GPR158: variants seen among roughly 807,000 people sequenced by gnomAD.
The protein encoded by GPR158 is metabotropic glycine receptor.
GPR158 carries 30 observed loss-of-function variants against 78.2 expected under a neutral mutation model. The observed-to-expected ratio is 0.38, with a 90% CI of 0.29 to 0.52. GPR158 has a LOEUF of 0.52. Among genes scored for constraint, GPR158 ranks in the 20% least tolerant of loss-of-function variants. The probability of loss-of-function intolerance (pLI) is 0.83; values close to 1 mark genes in which losing one functional copy is unlikely to be tolerated. For synonymous variants in GPR158, 581 were observed against 591.1 expected, an observed-to-expected ratio of 0.98 and a Z score of 0.25; for missense variants, 1,463 against 1,523.5, an observed-to-expected ratio of 0.96 and a Z score of 0.66.
intron 2 of GPR158, among the ~76,000 whole-genome samples, chr10:25,243,580 C>A (rs1174026266): frequency 6.6e-6 from 1 of 152,164 alleles, no homozygotes; most frequent in Non-Finnish European, 1.5e-5. Flanking sequence ...ATCACCTTCC[C>A]TGGAAAGACA....
intron 4 of GPR158, among the ~76,000 whole-genome samples, chr10:25,417,408 T>C (rs1214368427): frequency 1.3e-5 from 2 of 152,150 alleles, no homozygotes; most frequent in Non-Finnish European, 2.9e-5. Context: ...TACATGACTG[T>C]GGTAGACACA....
intron 2 of GPR158, among the ~76,000 whole-genome samples, chr10:25,248,437 TA>T (rs1226778741): frequency 1.3e-5 from 2 of 152,206 alleles, no homozygotes; most frequent in Non-Finnish European, 2.9e-5. Context: ...CTAGGGTTTT[TA>T]TGGTTTTAGG....
chr10:25,387,615 A>G (rs1361534087), intron 2 of GPR158, among the ~76,000 whole-genome samples: 1 of 151,314 alleles, frequency 6.6e-6, no homozygotes, highest in African/African-American at 2.4e-5. Context: ...TCCTGGGTTC[A>G]AGTGATTCTT....
At chr10:25,551,694 C>G (rs1200673092) in intron 6 of GPR158, among the ~76,000 whole-genome samples, 2 of 152,122 alleles carry the variant, frequency 1.3e-5, no homozygotes, top group Non-Finnish European at 2.9e-5. Context: ...TACCTATCTA[C>G]AAAGGCTAGG....
chr10:25,347,655 G>C (rs1380948117), intron 2 of GPR158, among the ~76,000 whole-genome samples: 1 of 151,956 alleles, frequency 6.6e-6, no homozygotes, highest in Admixed American at 6.6e-5. Context: ...TCTTTGTAGG[G>C]TATATAGATA....
At chr10:25,343,670 A>G (rs191745119) in intron 2 of GPR158, among the ~76,000 whole-genome samples, 1 of 152,140 alleles carries the variant, frequency 6.6e-6, no homozygotes, top group Admixed American at 6.6e-5. Flanking sequence ...AATGTTTTCA[A>G]TTAATACATC....
chr10:25,598,960 G>A lies in GPR158; in HGVS notation c.3334G>A (p.Val1112Met), dbSNP rs779453764. 6.2e-7 allele frequency: 1 copy of A among 1,613,932 alleles called. No individual in the cohort carries two copies. The highest frequency in any genetic ancestry group is 8.5e-7 in the Non-Finnish European group (1 of 1,179,950). ...CGGAGGTCAGCCTCGTGCAGCCAATGTGTGTGCTGGGCAGAGCGAAGAACT... is the reference window on the plus strand; with the variant it reads ...CGGAGGTCAGCCTCGTGCAGCCAATATGTGTGCTGGGCAGAGCGAAGAACT... ...ENGGQPRAAN[V>M]CAGQSEELPP... is the part of the protein sequence containing the mutation. Residue 1112 changes from valine to methionine, a missense_variant, in exon 11 of 11, where the codon GTG becomes ATG. Transcript: ENST00000376351.
At chr10:25,470,382 T>C (rs1286974336) in intron 5 of GPR158, among the ~76,000 whole-genome samples, 1 of 151,948 alleles carries the variant, frequency 6.6e-6, no homozygotes, top group Non-Finnish European at 1.5e-5. Context: ...AGTTTGGCCC[T>C]TTTTGTTCTT....
intron 1 of GPR158, among the ~76,000 whole-genome samples, chr10:25,205,516 G>A (rs1024590978): frequency 6.6e-5 from 10 of 151,288 alleles, no homozygotes; most frequent in Admixed American, 2.0e-4. Flanking sequence ...TGTGATGTTC[G>A]GCTGTTAATT....
chr10:25,181,966 C>A (rs868591402), intron 1 of GPR158, among the ~76,000 whole-genome samples: 3 of 152,068 alleles, frequency 2.0e-5, no homozygotes, highest in Admixed American at 1.3e-4. Context: ...GATCCACCTG[C>A]CTCAGCTTCC....
At chr10:25,502,036 A>C (rs934590753) in intron 5 of GPR158, among the ~76,000 whole-genome samples, 2 of 151,882 alleles carry the variant, frequency 1.3e-5, no homozygotes, top group Non-Finnish European at 2.9e-5. Context: ...CAAATCTGCT[A>C]CTCTCCTCCT....
At chr10:25,378,975 G>C (rs568520477) in intron 2 of GPR158, among the ~76,000 whole-genome samples, 1 of 152,120 alleles carries the variant, frequency 6.6e-6, no homozygotes, top group African/African-American at 2.4e-5. Flanking sequence ...AAATTTTTCT[G>C]AGATGGGGTC....
At chr10:25,243,790 AG>A (rs1853656045) in intron 2 of GPR158, among the ~76,000 whole-genome samples, 1 of 152,200 alleles carries the variant, frequency 6.6e-6, no homozygotes, top group Non-Finnish European at 1.5e-5. Flanking sequence ...AGTAATCAAT[AG>A]AATTGCATGT....
At chr10:25,196,565 C>T (rs188676919) in intron 1 of GPR158, among the ~76,000 whole-genome samples, 224 of 152,272 alleles carry the variant, frequency 1.5e-3, no homozygotes, top group South Asian at 2.1e-3. Context: ...TTAGGTGGGA[C>T]GTATCTTGTG....
At chr10:25,203,817 G>C (rs578255354) in intron 1 of GPR158, among the ~76,000 whole-genome samples, 1 of 144,458 alleles carries the variant, frequency 6.9e-6, no homozygotes, top group East Asian at 2.2e-4. Context: ...TAGCTTGATG[G>C]GGATGGCACT....
At chr10:25,423,606 A>G (rs1564451442) in intron 4 of GPR158, among the ~76,000 whole-genome samples, 2 of 152,106 alleles carry the variant, frequency 1.3e-5, no homozygotes, top group Non-Finnish European at 1.5e-5. Flanking sequence ...TCATTGTTCA[A>G]TTCCCACCTA....
intron 2 of GPR158, among the ~76,000 whole-genome samples, chr10:25,343,123 T>C (rs932811710): frequency 2.6e-5 from 4 of 152,012 alleles, no homozygotes; most frequent in Admixed American, 2.6e-4. Context: ...AGATGTCTTA[T>C]AGCCCCTTTT....
rs1443864167 is a variant in GPR158, at chr10:25,599,057, C to T, written c.3431C>T (p.Thr1144Ile). 8 of 1,613,924 alleles carry T rather than the reference C, an allele frequency of 5.0e-6. No individual in the cohort carries two copies. The highest frequency in any genetic ancestry group is 6.8e-6 in the Non-Finnish European group (8 of 1,179,948). The part of the protein sequence containing the change: ...LNQIGHQEKK[T>I]SSSEENVRGS... Reference sequence around the variant, plus strand: ...CAAATAGGACACCAGGAAAAAAAGACATCTTCTTCTGAGGAGAATGTGCGT... The same window carrying T: ...CAAATAGGACACCAGGAAAAAAAGATATCTTCTTCTGAGGAGAATGTGCGT... Residue 1144 changes from threonine (T) to isoleucine (I), a missense_variant, in exon 11 of 11, where the codon ACA (threonine) becomes ATA (isoleucine). Transcript: ENST00000376351.
intron 2 of GPR158, among the ~76,000 whole-genome samples, chr10:25,383,741 A>T (rs972695809): frequency 6.6e-6 from 1 of 152,166 alleles, no homozygotes; most frequent in Non-Finnish European, 1.5e-5. Flanking sequence ...ACTGCCTGAA[A>T]CCAAGAAGAA....
Sources: allele counts gnomAD v4.1 joint callset (sites outside exome capture counted in the v4.1 genomes callset), GRCh38; gene constraint gnomAD v4.1.1; transcripts MANE v1.5; gene names NCBI Gene and HGNC (gene_info 2026-07-23, HGNC 2026-07-21).